Variants in KRT82 observed in about 807,000 individuals in gnomAD.
The protein encoded by KRT82 is keratin, type II cuticular Hb2.
A neutral mutation model predicts 48.0 loss-of-function variants in KRT82; 44 were observed. That is an observed-to-expected ratio of 0.92 (90% confidence interval 0.72 to 1.18). The LOEUF (loss-of-function observed/expected upper bound fraction) is 1.18. KRT82 is among the 50% of genes most tolerant of loss of function. KRT82 has a pLI of 0.00. For synonymous variants in KRT82, 297 were observed against 278.3 expected (o/e 1.07, Z -0.67); for missense variants, 701 against 671.4 (o/e 1.04, Z -0.49).
chr12:52,403,280 G>A (rs1320952519), intron 2 of KRT82, among the ~76,000 whole-genome samples: 1 of 152,192 alleles, frequency 6.6e-6, no homozygotes, highest in Non-Finnish European at 1.5e-5. Flanking sequence ...ATGGAGCAGA[G>A]AGATGCTGAC....
chr12:52,395,755 T>C lies in KRT82; in HGVS notation c.1321+4A>G. ...AGCCAGTGGGGCATGGCTCATCTAC[T>C]TACAGATATTCACGGGCCCGATGCC... On this transcript the variant is annotated splice_donor_region_variant and intron_variant, in intron 8 of 8. Coordinates refer to ENST00000257974, the MANE Select transcript of KRT82 (RefSeq NM_033033.4). 1 of 1,557,052 alleles carries C rather than the reference T, an allele frequency of 6.4e-7. No homozygotes were observed. Among genetic ancestry groups the C allele is most frequent in the African/African-American group, 1.4e-5 (1 of 72,282 alleles).
chr12:52,395,400 A>G (rs1939699386), intron 8 of KRT82, among the ~76,000 whole-genome samples: 1 of 152,070 alleles, frequency 6.6e-6, no homozygotes, highest in South Asian at 2.1e-4. Context: ...CTTTCCCTAG[A>G]GCCTGGGCAA....
At chr12:52,400,926 A>G (rs1939781175) in intron 3 of KRT82, among the ~76,000 whole-genome samples, 2 of 152,228 alleles carry the variant, frequency 1.3e-5, no homozygotes, top group African/African-American at 4.8e-5. Flanking sequence ...AACCATCGCA[A>G]TTGTATTTGG....
At chr12:52,402,954 G>GCACTGGATTCCCATAGGA (rs796766372) in intron 2 of KRT82, among the ~76,000 whole-genome samples, 8 of 152,262 alleles carry the variant, frequency 5.3e-5, no homozygotes, top group African/African-American at 1.9e-4. Flanking sequence ...TTCCCATGGG[G>GCACTGGATTCCCATAGGA]CACTGGATTC....
rs1003344503 is a variant in KRT82 at position 52,396,984 on chromosome 12, C to A, written c.967G>T (p.Gly323Trp). The A allele has an allele frequency of 1.2e-5, 20 of 1,613,874 alleles. No homozygotes were observed. Among genetic ancestry groups the A allele is most frequent in the Admixed American group, 1.7e-5 (1 of 60,000 alleles). ...TTGCGGAGGTTGTCACAGTGGTTCC[C>A]AGCTGTGACTCTCAGCTCCTCATAC... ...CRYEELRVTA[G>W]NHCDNLRNRK... Residue 323 changes from glycine to tryptophan, a missense_variant, in exon 6 of 9, where the codon GGG becomes TGG. Coordinates refer to ENST00000257974, the MANE Select transcript of KRT82 (RefSeq NM_033033.4).
chr12:52,398,759 G>T (rs564078130), intron 5 of KRT82, among the ~76,000 whole-genome samples: 1 of 152,072 alleles, frequency 6.6e-6, no homozygotes, highest in African/African-American at 2.4e-5. Context: ...AATGGGCAGA[G>T]CATCACTTTG....
chr12:52,396,151 C>T lies in KRT82; in HGVS notation c.1150G>A (p.Gly384Arg). ...ALNDAKCKLA[G>R]LEEALQKAKQ... ...GCCTTCTGCAGAGCCTCCTCCAGCCCTGCCAGCTTGCACTTGGCATCATTG... is the reference window on the plus strand; with the variant it reads ...GCCTTCTGCAGAGCCTCCTCCAGCCTTGCCAGCTTGCACTTGGCATCATTG... The change falls in exon 7 of 9, where the codon GGG becomes AGG. Residue 384 changes from glycine to arginine, a missense_variant. Gly to Arg is a moderately radical substitution (Grantham distance 125, BLOSUM62 -2). Coordinates refer to ENST00000257974, the MANE Select transcript of KRT82 (RefSeq NM_033033.4). 5.0e-6 allele frequency: 8 copies of T among 1,614,230 alleles called. No individual in the cohort carries two copies. Among genetic ancestry groups the T allele is most frequent in the Non-Finnish European group, 6.8e-6 (8 of 1,180,042 alleles).
intron 3 of KRT82, 145 bp from the exon 4 acceptor site, chr12:52,400,767 G>A (rs1217300696): frequency 1.6e-6 from 1 of 625,592 alleles, no homozygotes; most frequent in South Asian, 1.9e-5. Flanking sequence ...GGAAAAAGGG[G>A]TCCCTAGCCC....
At position 52,406,009 on chromosome 12, in the gene KRT82, G is replaced by A; in HGVS notation, c.269C>T (p.Ala90Val). Reference protein sequence around the residue: ...YRLGATCGPSACITPVTINES... With the variant: ...YRLGATCGPSVCITPVTINES... ...ATTGATGGTGACAGGGGTGATGCAGGCAGAAGGCCCACAGGTGGCTCCCAG... is the reference window on the plus strand; with the variant it reads ...ATTGATGGTGACAGGGGTGATGCAGACAGAAGGCCCACAGGTGGCTCCCAG... Residue 90 changes from alanine (A) to valine (V), a missense_variant, in exon 1 of 9, where the codon GCC becomes GTC. By Grantham distance (64) the Ala-to-Val change is moderately conservative. Transcript: ENST00000257974. The A allele has an allele frequency of 6.2e-7, 1 of 1,614,210 alleles. No individual in the cohort carries two copies. Among genetic ancestry groups the A allele is most frequent in the South Asian group, 1.1e-5 (1 of 91,086 alleles).
At chr12:52,401,781 C>T (rs10876287) in intron 2 of KRT82, among the ~76,000 whole-genome samples, 12,695 of 152,142 alleles carry the variant, frequency 0.083, 1,101 homozygotes, top group East Asian at 0.5. Context: ...TGGCCTCTAC[C>T]TGTGGTCCAT....
rs754882169 is a variant in KRT82 at position 52,394,949 on chromosome 12, C to T, written c.*26G>A. The T allele has an allele frequency of 8.1e-6, 13 of 1,598,288 alleles. No individual in the cohort carries two copies. In the Admixed American group the frequency reaches 1.8e-4, roughly 23 times the overall value. ...CATCCAGGGCCATGGGGCAGGGGCT[C>T]TGTCTCCTGGATGTCTCGGATCATG... On this transcript the variant is annotated 3_prime_UTR_variant, in exon 9 of 9. Coordinates refer to ENST00000257974, the MANE Select transcript of KRT82 (RefSeq NM_033033.4).
chr12:52,399,907 GAGA>G (rs1259609888), intron 5 of KRT82, 75 bp downstream of exon 5: 10 of 1,460,476 alleles, frequency 6.8e-6, no homozygotes. Flanking sequence ...CACTTCTGCG[GAGA>G]AGGAGTCTGG....
At position 52,403,872 on chromosome 12, in the gene KRT82, G is replaced by A. The variant is rs779549099; in HGVS notation, c.449C>T (p.Thr150Ile). ...CTGCTGCTGCATGAAGTTCCACTTG[G>A]TCTCCAGCAGCTTGTTCTTCTGCTC... ...FLEQKNKLLE[T>I]KWNFMQQQRC... Residue 150 changes from threonine (T) to isoleucine (I), a missense_variant, in exon 2 of 9, where the codon ACC becomes ATC. By Grantham distance (89) the Thr-to-Ile change is moderately conservative. Coordinates refer to ENST00000257974, the MANE Select transcript of KRT82 (RefSeq NM_033033.4). 3 of 1,614,018 alleles carry A rather than the reference G, an allele frequency of 1.9e-6. No individual in the cohort carries two copies. Among genetic ancestry groups the A allele is most frequent in the South Asian group, 1.1e-5 (1 of 91,086 alleles).
At position 52,395,017 on chromosome 12, in the gene KRT82, C is replaced by T; in HGVS notation, c.1500G>A (p.Met500Ile). The T allele has an allele frequency of 6.2e-7, 1 of 1,613,878 alleles. No homozygotes were observed. Among genetic ancestry groups the T allele is most frequent in the Non-Finnish European group, 8.5e-7 (1 of 1,179,990 alleles). ...GGGAGCTGCCCCCAGCTCCTAGCGT[C>T]ATGCTGGATTTCCGCCCGCTCCCAC... ...LSCGSGRKSSMTLGAGGSSPS... is the reference protein window; with the variant it reads ...LSCGSGRKSSITLGAGGSSPS... The change falls in exon 9 of 9, where the codon ATG becomes ATA. Residue 500 changes from methionine to isoleucine, a missense_variant. Coordinates refer to ENST00000257974, the MANE Select transcript of KRT82 (RefSeq NM_033033.4).
chr12:52,403,520 A>G (rs1446663862), intron 2 of KRT82, among the ~76,000 whole-genome samples, 181 bp downstream of exon 2: 1 of 152,206 alleles, frequency 6.6e-6, no homozygotes, highest in African/African-American at 2.4e-5. Context: ...GGCAATACAC[A>G]GTCTCAGAGC....
At chr12:52,399,461 A>G (rs1939757445) in intron 5 of KRT82, among the ~76,000 whole-genome samples, 1 of 152,220 alleles carries the variant, frequency 6.6e-6, no homozygotes, top group African/African-American at 2.4e-5. Flanking sequence ...CAGGCAGGGC[A>G]GGAGAGGCTG....
At chr12:52,405,173 C>A (rs1482151324) in intron 1 of KRT82, among the ~76,000 whole-genome samples, 4 of 151,936 alleles carry the variant, frequency 2.6e-5, no homozygotes, top group African/African-American at 9.7e-5. Context: ...AATCTGCGCT[C>A]TTCCTGCAGT....
intron 6 of KRT82, among the ~76,000 whole-genome samples, chr12:52,396,655 A>G (rs901363448): frequency 6.6e-6 from 1 of 152,132 alleles, no homozygotes; most frequent in African/African-American, 2.4e-5. Flanking sequence ...CATCTTTGAC[A>G]TTGGTCACCT....
intron 6 of KRT82, 64 bp from the exon 7 acceptor site, chr12:52,396,296 G>C: frequency 1.4e-6 from 2 of 1,476,564 alleles, no homozygotes; most frequent in South Asian, 1.2e-5. Context: ...ACTCGCAGAA[G>C]AGCAGAGAGA....
Sources: gnomAD v4.1 joint callset for allele counts (sites outside exome capture counted in the v4.1 genomes callset) on GRCh38, gnomAD v4.1.1 for gene constraint, MANE v1.5 for transcripts, NCBI Gene and HGNC (gene_info 2026-07-23, HGNC 2026-07-21) for gene names.